The following PPARGC1A variants were observed in gnomAD, a reference collection of about 807,000 sequenced individuals.
PPARGC1A encodes peroxisome proliferator-activated receptor gamma coactivator 1-alpha.
A neutral mutation model predicts 88.7 loss-of-function variants in PPARGC1A; 25 were observed. The observed-to-expected ratio is 0.28, with a 90% confidence interval of 0.21 to 0.39. The LOEUF (loss-of-function observed/expected upper bound fraction) is 0.39, where lower values mean the gene tolerates loss of function less well. Among genes scored for constraint, PPARGC1A ranks in the 10% least tolerant of loss-of-function variants. PPARGC1A has a pLI of 1.00. For synonymous variants in PPARGC1A, 363 were observed against 355.6 expected, an observed-to-expected ratio of 1.02 and a Z score of -0.24; for missense variants, 880 against 968.7, an observed-to-expected ratio of 0.91 and a Z score of 1.22.
At chr4:23,924,772 C>G in the PPARGC1A span, among the ~76,000 whole-genome samples, 1 of 152,280 alleles carries the variant, frequency 6.6e-6, no homozygotes, top group African/African-American at 2.4e-5. Flanking sequence ...CTCCCCTCAC[C>G]TGCATCACCA....
In PPARGC1A at chr4:23,793,956, T is replaced by C. The variant is rs1717081372; in HGVS notation, c.*1866A>G. The C allele has an allele frequency of 6.6e-6, 1 of 152,602 alleles. No homozygotes were observed. Among genetic ancestry groups the C allele is most frequent in the African/African-American group, 2.4e-5 (1 of 41,452 alleles). The allele number at this position is 152,602 out of a possible 1,614,324, so 9.5% of individuals were successfully genotyped here. A position where few individuals can be genotyped will look rare whatever the true frequency, so the allele number is the denominator to read the frequency against. On this transcript the variant is annotated 3_prime_UTR_variant, in exon 13 of 13. Transcript: ENST00000264867. ...ATAGGCTATCTGCAACTGATAAATA[T>C]GTCTCTTTAGTAAACAAAGGAATGA...
At chr4:23,927,982 T>C in the PPARGC1A span, among the ~76,000 whole-genome samples, 3 of 151,256 alleles carry the variant, frequency 2.0e-5, no homozygotes, top group African/African-American at 7.3e-5. Context: ...AGTTGAGGAG[T>C]TCCAAAAGCA....
At chr4:24,038,825 C>T in the PPARGC1A span, among the ~76,000 whole-genome samples, 1 of 152,140 alleles carries the variant, frequency 6.6e-6, no homozygotes, top group African/African-American at 2.4e-5. Context: ...CTGAGATGGG[C>T]ATTCAGAATC....
At chr4:24,296,095 T>C in the PPARGC1A span, among the ~76,000 whole-genome samples, 1 of 151,002 alleles carries the variant, frequency 6.6e-6, no homozygotes, top group Non-Finnish European at 1.5e-5. Flanking sequence ...TATACACACA[T>C]ACATATATAT....
At chr4:24,262,805 G>C in the PPARGC1A span, among the ~76,000 whole-genome samples, 1 of 152,122 alleles carries the variant, frequency 6.6e-6, no homozygotes, top group African/African-American at 2.4e-5. Context: ...CTACAGAAGA[G>C]ATTTGTGCTG....
the PPARGC1A span, among the ~76,000 whole-genome samples, chr4:23,910,472 G>C: frequency 7.6e-6 from 1 of 131,960 alleles, no homozygotes; most frequent in African/African-American, 2.9e-5. Context: ...ACAGAGTCTC[G>C]CTCTGTCACC....
chr4:23,959,329 C>T, the PPARGC1A span, among the ~76,000 whole-genome samples: 5 of 152,092 alleles, frequency 3.3e-5, no homozygotes, highest in African/African-American at 7.2e-5. Flanking sequence ...CTCCAAATTA[C>T]GTGCAGGCAT....
the PPARGC1A span, among the ~76,000 whole-genome samples, chr4:24,363,061 C>T: frequency 6.6e-6 from 1 of 152,220 alleles, no homozygotes; most frequent in Non-Finnish European, 1.5e-5. Context: ...TTTTCTCAAA[C>T]ATGGGATTCT....
upstream of PPARGC1A, among the ~76,000 whole-genome samples, chr4:23,906,361 C>T (rs189887438): frequency 3.1e-4 from 47 of 151,584 alleles, 1 homozygote; most frequent in East Asian, 9.1e-3. Context: ...GCCTGTAATC[C>T]CAGCACTTTG....
chr4:24,241,821 C>T, the PPARGC1A span, among the ~76,000 whole-genome samples: 1 of 152,172 alleles, frequency 6.6e-6, no homozygotes. Context: ...AGAAAATGAA[C>T]AGGTGCATGA....
At chr4:24,286,790 C>T in the PPARGC1A span, among the ~76,000 whole-genome samples, 13 of 152,074 alleles carry the variant, frequency 8.5e-5, no homozygotes, top group Non-Finnish European at 1.6e-4. Flanking sequence ...ATCAGAGCAG[C>T]GTAGGTGAGG....
At chr4:24,279,612 T>A in the PPARGC1A span, among the ~76,000 whole-genome samples, 286 of 152,190 alleles carry the variant, frequency 1.9e-3, 1 homozygote, top group Middle Eastern at 6.8e-3. Context: ...CTCTCCCGCG[T>A]TGATTCACAC....
intron 5 of PPARGC1A, among the ~76,000 whole-genome samples, chr4:23,825,565 A>G (rs933928988): frequency 2.0e-5 from 3 of 152,134 alleles, no homozygotes; most frequent in African/African-American, 7.2e-5. Context: ...GTTGGCCAAG[A>G]TTCTGTTTCC....
At chr4:24,438,887 AT>A in the PPARGC1A span, among the ~76,000 whole-genome samples, 2 of 152,152 alleles carry the variant, frequency 1.3e-5, 1 homozygote, top group South Asian at 4.2e-4. Flanking sequence ...AAATAAAAAA[AT>A]AAAGTGGAGC....
intron 2 of PPARGC1A, among the ~76,000 whole-genome samples, chr4:23,855,023 G>A (rs1462391428): frequency 5.9e-5 from 9 of 152,056 alleles, no homozygotes; most frequent in African/African-American, 1.9e-4. Flanking sequence ...TAACTGAATC[G>A]TGGGGGCGCA....
At chr4:24,061,870 C>T in the PPARGC1A span, among the ~76,000 whole-genome samples, 5 of 152,152 alleles carry the variant, frequency 3.3e-5, no homozygotes, top group Non-Finnish European at 7.4e-5. Context: ...AGCCAGCTGC[C>T]CAGATCTTGA....
At chr4:24,122,426 T>TGC in the PPARGC1A span, among the ~76,000 whole-genome samples, 143 of 140,856 alleles carry the variant, frequency 1.0e-3, no homozygotes, top group East Asian at 0.027. Context: ...CATATATATA[T>TGC]ATATATATAT....
At chr4:24,324,381 T>C in the PPARGC1A span, among the ~76,000 whole-genome samples, 16 of 151,332 alleles carry the variant, frequency 1.1e-4, no homozygotes, top group East Asian at 3.2e-3. Flanking sequence ...CAATCCCTTA[T>C]TTCCATGCCC....
chr4:24,376,286 G>A, the PPARGC1A span, among the ~76,000 whole-genome samples: 213 of 152,230 alleles, frequency 1.4e-3, no homozygotes, highest in African/African-American at 5.0e-3. Flanking sequence ...GGTATTTACC[G>A]CAAGTCCTAT....
Sources: gnomAD v4.1 joint callset for allele counts (sites outside exome capture counted in the v4.1 genomes callset) on GRCh38, gnomAD v4.1.1 for gene constraint, MANE v1.5 for transcripts, NCBI Gene and HGNC (gene_info 2026-07-23, HGNC 2026-07-21) for gene names.